Variants in UST observed in about 807,000 individuals in gnomAD.
The protein encoded by UST is chondroitin sulfate 2-O-sulfotransferase.
Under a neutral mutation model 45.6 loss-of-function variants are expected in UST, and 21 were observed. The ratio of observed to expected loss-of-function variants is 0.46; its 90% confidence interval spans 0.33 to 0.66. The LOEUF is 0.66. Ranked by LOEUF, UST falls within the 30% of genes least tolerant of loss-of-function variation. The pLI, the probability that UST is intolerant of heterozygous loss-of-function variation, is 0.02. For synonymous variants in UST, 215 were observed against 200.6 expected (o/e 1.07, Z -0.61); for missense variants, 463 against 512.4 (o/e 0.90, Z 0.93).
chr6:148,993,440 A>T (rs1185598575), intron 5 of UST, among the ~76,000 whole-genome samples: 1 of 152,192 alleles, frequency 6.6e-6, no homozygotes, highest in Non-Finnish European at 1.5e-5. Flanking sequence ...CCAAACTAGC[A>T]TCCTTAGACT....
intron 5 of UST, among the ~76,000 whole-genome samples, chr6:148,977,490 G>A (rs2449387): frequency 0.14 from 20,887 of 151,920 alleles, 1,749 homozygotes; most frequent in Non-Finnish European, 0.19. Flanking sequence ...GGTGGCTCAC[G>A]CCTGTAATCC....
intron 1 of UST, among the ~76,000 whole-genome samples, chr6:148,878,570 G>T (rs1414491957): frequency 2.7e-5 from 3 of 111,632 alleles, no homozygotes; most frequent in Admixed American, 2.6e-4. Flanking sequence ...TGTATGAGTA[G>T]GGGGGTCGTG....
intron 1 of UST, among the ~76,000 whole-genome samples, chr6:148,749,551 C>T (rs941057995): frequency 2.0e-5 from 3 of 151,962 alleles, no homozygotes; most frequent in East Asian, 3.9e-4. Context: ...GAAGCCACAC[C>T]TGACTGTCAA....
chr6:148,871,960 C>T (rs754488354), intron 1 of UST, among the ~76,000 whole-genome samples: 2 of 152,192 alleles, frequency 1.3e-5, no homozygotes, highest in Non-Finnish European at 2.9e-5. Flanking sequence ...TACTTAACCT[C>T]TCATTGCTTT....
At chr6:148,957,632 C>T (rs1197067852) in intron 4 of UST, among the ~76,000 whole-genome samples, 1 of 152,152 alleles carries the variant, frequency 6.6e-6, no homozygotes, top group African/African-American at 2.4e-5. Flanking sequence ...CAGGGTTTCA[C>T]CATGTTGGCC....
chr6:149,029,476 A>T (rs1486087497), intron 7 of UST, among the ~76,000 whole-genome samples: 1 of 145,490 alleles, frequency 6.9e-6, no homozygotes, highest in Non-Finnish European at 1.5e-5. Context: ...TATATATATA[A>T]TGTATATATA....
At chr6:148,995,437 A>ATGGC (rs1781435810) in intron 5 of UST, among the ~76,000 whole-genome samples, 1 of 152,170 alleles carries the variant, frequency 6.6e-6, no homozygotes, top group African/African-American at 2.4e-5. Flanking sequence ...AGATCATCTG[A>ATGGC]TGGCTAAGCC....
chr6:148,802,330 A>G (rs1777070462), intron 1 of UST, among the ~76,000 whole-genome samples: 1 of 152,250 alleles, frequency 6.6e-6, no homozygotes, highest in Non-Finnish European at 1.5e-5. Flanking sequence ...ATAGAATATA[A>G]TAAATCAGCA....
intron 7 of UST, among the ~76,000 whole-genome samples, chr6:149,063,974 C>T (rs1305103966): frequency 1.3e-5 from 2 of 152,158 alleles, no homozygotes; most frequent in African/African-American, 4.8e-5. Flanking sequence ...GAAACACACA[C>T]AGAATCTATA....
At chr6:148,966,790 G>T (rs989451257) in intron 5 of UST, among the ~76,000 whole-genome samples, 4 of 152,206 alleles carry the variant, frequency 2.6e-5, no homozygotes, top group African/African-American at 9.7e-5. Context: ...AGGCTGGAGC[G>T]CAGTGGCAAG....
At chr6:148,874,031 G>A (rs574334693) in intron 1 of UST, among the ~76,000 whole-genome samples, 1 of 152,368 alleles carries the variant, frequency 6.6e-6, no homozygotes, top group East Asian at 1.9e-4. Flanking sequence ...GCTGGTTAGA[G>A]GCTTGCCATG....
intron 1 of UST, among the ~76,000 whole-genome samples, chr6:148,778,571 C>G (rs1776578315): frequency 6.6e-6 from 1 of 152,166 alleles, no homozygotes; most frequent in Admixed American, 6.5e-5. Context: ...CAGCCCCTGA[C>G]CCCTCCTCCC....
intron 2 of UST, among the ~76,000 whole-genome samples, chr6:148,899,376 G>A (rs763137100): frequency 1.3e-5 from 2 of 152,078 alleles, no homozygotes; most frequent in South Asian, 4.1e-4. Flanking sequence ...TGGGATTACA[G>A]GCGTGAGCCA....
chr6:148,985,453 G>T (rs1278033981), intron 5 of UST, among the ~76,000 whole-genome samples: 1 of 152,116 alleles, frequency 6.6e-6, no homozygotes, highest in East Asian at 1.9e-4. Flanking sequence ...ATAGAGGTGT[G>T]GTGGTGTCAG....
chr6:148,838,745 AT>A (rs1014936453), intron 1 of UST, among the ~76,000 whole-genome samples: 15 of 148,386 alleles, frequency 1.0e-4, no homozygotes, highest in South Asian at 2.1e-4. Flanking sequence ...TCTCTACAGA[AT>A]TTTTTTTTTT....
At chr6:148,953,827 G>C in intron 3 of UST, 45 bp from the exon 4 acceptor site, 6 of 1,138,140 alleles carry the variant, frequency 5.3e-6, no homozygotes, top group Non-Finnish European at 7.3e-6. Context: ...AATATGGCTT[G>C]GTAAATTAGA....
chr6:148,807,203 A>G (rs1043077020), intron 1 of UST, among the ~76,000 whole-genome samples: 7 of 152,212 alleles, frequency 4.6e-5, no homozygotes, highest in Admixed American at 2.0e-4. Context: ...TTAGCTGCAG[A>G]GAGTGAGAAG....
intron 1 of UST, among the ~76,000 whole-genome samples, chr6:148,760,403 T>G (rs1776191633): frequency 6.6e-6 from 1 of 152,178 alleles, no homozygotes. Flanking sequence ...CTCCAGTGGG[T>G]AAGAGGGTTC....
At chr6:148,993,651 C>T (rs911215477) in intron 5 of UST, among the ~76,000 whole-genome samples, 5 of 152,140 alleles carry the variant, frequency 3.3e-5, no homozygotes, top group African/African-American at 9.7e-5. Context: ...AGATCATTGA[C>T]GCAAATTTTT....
Sources: allele counts gnomAD v4.1 joint callset (sites outside exome capture counted in the v4.1 genomes callset), GRCh38; gene constraint gnomAD v4.1.1; transcripts MANE v1.5; gene names NCBI Gene and HGNC (gene_info 2026-07-23, HGNC 2026-07-21).